The following KMT2E variants were observed in gnomAD, a reference collection of about 807,000 sequenced individuals.
KMT2E encodes lysine methyltransferase 2E (inactive).
KMT2E carries 30 observed loss-of-function variants against 184.6 expected under a neutral mutation model. That is an observed-to-expected ratio of 0.16 (90% CI 0.12 to 0.22). The LOEUF (loss-of-function observed/expected upper bound fraction) is 0.22, where lower values mean the gene tolerates loss of function less well. Among genes scored for constraint, KMT2E ranks in the 10% least tolerant of loss-of-function variants. KMT2E has a pLI of 1.00. For missense variants in KMT2E, 2,023 were observed against 2,237.4 expected, an observed-to-expected ratio of 0.90 and a Z score of 1.93; for synonymous variants, 815 against 776.5, an observed-to-expected ratio of 1.05 and a Z score of -0.82.
intron 3 of KMT2E, among the ~76,000 whole-genome samples, chr7:105,046,541 T>G (rs1377087796): frequency 6.6e-6 from 1 of 152,244 alleles, no homozygotes. Flanking sequence ...GTACATGTCT[T>G]TAATGATTTA....
At chr7:105,097,966 G>A (rs1430173907) in intron 15 of KMT2E, among the ~76,000 whole-genome samples, 2 of 152,046 alleles carry the variant, frequency 1.3e-5, no homozygotes, top group Non-Finnish European at 2.9e-5. Flanking sequence ...TAACAAACGA[G>A]TATCAAAATA....
chr7:105,040,758 A>G, intron 2 of KMT2E, 81 bp from the exon 3 acceptor site: 1 of 380,588 alleles, frequency 2.6e-6, no homozygotes. Context: ...TGAGATTTTA[A>G]TAAAGAATGT....
At chr7:105,051,147 T>C (rs1380148718) in intron 3 of KMT2E, among the ~76,000 whole-genome samples, 1 of 150,488 alleles carries the variant, frequency 6.6e-6, no homozygotes, top group Non-Finnish European at 1.5e-5. Flanking sequence ...CTCCCTCCCT[T>C]CCTTCCTCCC....
intron 11 of KMT2E, among the ~76,000 whole-genome samples, chr7:105,078,109 A>G (rs139623265): frequency 9.2e-5 from 14 of 152,352 alleles, no homozygotes; most frequent in African/African-American, 3.4e-4. Flanking sequence ...ATATTTACTT[A>G]AGATATGAAA....
chr7:105,076,926 G>T, intron 9 of KMT2E, 37 bp from the exon 10 acceptor site: 1 of 1,048,304 alleles, frequency 9.5e-7, no homozygotes, highest in Non-Finnish European at 1.5e-6. Flanking sequence ...GTGTAAGTCC[G>T]TAAGTCCAGA....
intron 23 of KMT2E, among the ~76,000 whole-genome samples, 157 bp downstream of exon 23, chr7:105,109,385 G>A (rs1249252725): frequency 1.3e-5 from 2 of 152,134 alleles, no homozygotes; most frequent in African/African-American, 2.4e-5. Context: ...AGCTGTGTAT[G>A]GCCTGTGTTC....
intron 3 of KMT2E, among the ~76,000 whole-genome samples, chr7:105,056,599 T>C (rs1165444587): frequency 6.6e-6 from 1 of 152,218 alleles, no homozygotes; most frequent in African/African-American, 2.4e-5. Context: ...TTCTGTCTCC[T>C]CTAGCAAAAT....
Position 105,066,719 on chromosome 7 carries a change from T to C in KMT2E, c.417-8T>C. ...ATATTACATATGTTCTGCTTTTTTTTTTTTAAGCGTTTGGCAACATATTGA... is the reference window on the plus strand; with the variant it reads ...ATATTACATATGTTCTGCTTTTTTTCTTTTAAGCGTTTGGCAACATATTGA... On this transcript the variant is annotated splice_region_variant and splice_polypyrimidine_tract_variant and intron_variant, in intron 5 of 26. Coordinates refer to ENST00000311117, the MANE Select transcript of KMT2E (RefSeq NM_182931.3). 1 of 1,606,570 alleles carries C rather than the reference T, an allele frequency of 6.2e-7. No individual in the cohort carries two copies. The highest frequency in any genetic ancestry group is 8.5e-7 in the Non-Finnish European group (1 of 1,174,864).
chr7:105,026,921 A>G (rs1041598369), intron 1 of KMT2E, among the ~76,000 whole-genome samples: 1 of 152,190 alleles, frequency 6.6e-6, no homozygotes, highest in Non-Finnish European at 1.5e-5. Context: ...TAGTTCATTA[A>G]GGATTTTGGG....
At chr7:105,019,001 T>C (rs1298125176) in intron 1 of KMT2E, among the ~76,000 whole-genome samples, 1 of 152,134 alleles carries the variant, frequency 6.6e-6, no homozygotes, top group Non-Finnish European at 1.5e-5. Context: ...TATTTTACTT[T>C]ATATAAAATA....
At chr7:105,060,046 A>T (rs559262257) in intron 3 of KMT2E, among the ~76,000 whole-genome samples, 1 of 116,620 alleles carries the variant, frequency 8.6e-6, no homozygotes, top group South Asian at 3.1e-4. Flanking sequence ...CCCAGGCTGG[A>T]GTGCAGTAGC....
At chr7:105,021,336 G>A (rs1407852662) in intron 1 of KMT2E, among the ~76,000 whole-genome samples, 1 of 152,192 alleles carries the variant, frequency 6.6e-6, no homozygotes, top group African/African-American at 2.4e-5. Context: ...TTGAAGCACA[G>A]ACAAAAGATG....
At chr7:105,106,826 CTTT>C in intron 20 of KMT2E, 54 bp downstream of exon 20, 2 of 1,544,974 alleles carry the variant, frequency 1.3e-6, no homozygotes, top group South Asian at 2.3e-5. Flanking sequence ...GATGGAATTT[CTTT>C]TAAGAGCTCT....
At chr7:105,027,812 A>G (rs1207329056) in intron 1 of KMT2E, among the ~76,000 whole-genome samples, 1 of 151,972 alleles carries the variant, frequency 6.6e-6, no homozygotes, top group African/African-American at 2.4e-5. Context: ...ATATATATTT[A>G]TAATTAATTT....
intron 13 of KMT2E, among the ~76,000 whole-genome samples, chr7:105,088,186 T>A (rs1015666943): frequency 3.9e-5 from 6 of 152,208 alleles, no homozygotes; most frequent in African/African-American, 1.4e-4. Flanking sequence ...TACGTAACCT[T>A]GGACCAATTT....
intron 3 of KMT2E, among the ~76,000 whole-genome samples, chr7:105,051,775 C>G (rs988121041): frequency 6.6e-6 from 1 of 151,674 alleles, no homozygotes; most frequent in Non-Finnish European, 1.5e-5. Flanking sequence ...CGCGCCACCA[C>G]GCCCAGCTAA....
chr7:105,052,681 C>T (rs1373322573), intron 3 of KMT2E, among the ~76,000 whole-genome samples: 2 of 152,108 alleles, frequency 1.3e-5, no homozygotes, highest in African/African-American at 4.8e-5. Flanking sequence ...GCCTCAGCCT[C>T]CCAAGTAAAT....
chr7:105,112,566 G>A lies in KMT2E; in HGVS notation c.4810G>A (p.Val1604Met), dbSNP rs1369141351. 6 of 1,613,950 alleles carry A rather than the reference G, an allele frequency of 3.7e-6. No individual in the cohort carries two copies. Among genetic ancestry groups the A allele is most frequent in the Middle Eastern group, 1.6e-4 (1 of 6,062 alleles). The change falls in exon 27 of 27, where the codon GTG becomes ATG. Residue 1604 changes from valine to methionine, a missense_variant. Val to Met is a conservative substitution (Grantham distance 21). This residue lies in a region of KMT2E where 1,108 missense variants were observed against 1,050.9 expected (regional missense o/e 1.05). Coordinates refer to ENST00000311117, the MANE Select transcript of KMT2E (RefSeq NM_182931.3). ...CCAGCAAACAGTTCCAGGACACCAC[G>A]TGACTCCAGGGCATTTTTTGCCCTC... ...TSQQTVPGHH[V>M]TPGHFLPSQN...
intron 3 of KMT2E, among the ~76,000 whole-genome samples, chr7:105,057,726 G>A (rs568762664): frequency 1.3e-5 from 2 of 152,148 alleles, no homozygotes; most frequent in East Asian, 1.9e-4. Context: ...TGCTGTGATC[G>A]TAAGCGTGAG....
Sources: allele counts gnomAD v4.1 joint callset (sites outside exome capture counted in the v4.1 genomes callset), GRCh38; gene constraint gnomAD v4.1.1; regional missense constraint gnomAD v4.1.1; transcripts MANE v1.5; gene names NCBI Gene and HGNC (gene_info 2026-07-23, HGNC 2026-07-21).